EFCAB6: variants seen among roughly 807,000 people sequenced by gnomAD.
The protein encoded by EFCAB6 is EF-hand calcium binding domain 6, also known as EF-hand calcium-binding domain-containing protein 6.
Under a neutral mutation model 169.8 loss-of-function variants are expected in EFCAB6, and 156 were observed. That is an observed-to-expected ratio of 0.92 (90% confidence interval 0.81 to 1.05). The LOEUF (loss-of-function observed/expected upper bound fraction) is 1.05. EFCAB6 is among the 50% of genes least tolerant of loss of function. The pLI, the probability that EFCAB6 is intolerant of heterozygous loss-of-function variation, is 0.00. For missense variants in EFCAB6, 1,800 were observed against 1,829.1 expected (o/e 0.98, Z 0.29); for synonymous variants, 698 against 676.4 (o/e 1.03, Z -0.50).
intron 18 of EFCAB6, among the ~76,000 whole-genome samples, chr22:43,634,185 G>A (rs188253038): frequency 8.3e-4 from 127 of 152,288 alleles, no homozygotes; most frequent in African/African-American, 2.9e-3. Context: ...CACCTGGCAG[G>A]TGGGACACAC....
chr22:43,653,847 G>A (rs746366912), intron 17 of EFCAB6, among the ~76,000 whole-genome samples: 2 of 151,994 alleles, frequency 1.3e-5, no homozygotes, highest in South Asian at 2.1e-4. Context: ...AGGTTCTCAA[G>A]GTGAATATCC....
At chr22:43,548,737 T>C (rs2147135816) in intron 27 of EFCAB6, among the ~76,000 whole-genome samples, 1 of 152,160 alleles carries the variant, frequency 6.6e-6, no homozygotes, top group East Asian at 1.9e-4. Context: ...CTCTTAGTGA[T>C]GGATGGGCCA....
chr22:43,687,364 A>T, intron 11 of EFCAB6, 107 bp downstream of exon 11: 1 of 695,786 alleles, frequency 1.4e-6, no homozygotes, highest in Non-Finnish European at 2.3e-6. Context: ...AATGGAGACT[A>T]ATCGATCATT....
intron 5 of EFCAB6, among the ~76,000 whole-genome samples, chr22:43,761,767 A>G (rs1174027288): frequency 6.6e-6 from 1 of 151,282 alleles, no homozygotes; most frequent in Admixed American, 6.6e-5. Context: ...TATGACATCT[A>G]TTGGTTTGTA....
intron 26 of EFCAB6, among the ~76,000 whole-genome samples, chr22:43,560,777 C>T (rs549300635): frequency 7.9e-5 from 12 of 152,346 alleles, no homozygotes; most frequent in Admixed American, 3.3e-4. Context: ...AACAGAGTGG[C>T]GCCCGGATTC....
intron 21 of EFCAB6, among the ~76,000 whole-genome samples, chr22:43,610,454 C>A (rs2053223354): frequency 6.6e-6 from 1 of 152,098 alleles, no homozygotes; most frequent in South Asian, 2.1e-4. Flanking sequence ...AAACAAAATG[C>A]CAATCAAATC....
chr22:43,668,929 T>C lies in EFCAB6; in HGVS notation c.1757A>G (p.Gln586Arg). ...TVSPVLVPKD[Q>R]LLSEHLQKDE... ...TTTTTGTAAATGTTCACTTAACAGC[T>C]GATCCTTTGGAACAAGAACTGGAGA... The change falls in exon 16 of 32, where the codon CAG becomes CGG. Residue 586 changes from glutamine to arginine, a missense_variant. Transcript: ENST00000262726. The C allele has an allele frequency of 6.2e-7, 1 of 1,612,792 alleles. No homozygotes were observed. Among genetic ancestry groups the C allele is most frequent in the Admixed American group, 1.7e-5 (1 of 59,826 alleles).
chr22:43,730,844 G>A (rs1439962305), intron 8 of EFCAB6, among the ~76,000 whole-genome samples: 1 of 152,212 alleles, frequency 6.6e-6, no homozygotes, highest in Non-Finnish European at 1.5e-5. Context: ...CTCTAAGCAA[G>A]CTTGGTTAGT....
chr22:43,688,232 G>T (rs1436497803), intron 10 of EFCAB6, among the ~76,000 whole-genome samples: 2 of 152,146 alleles, frequency 1.3e-5, no homozygotes, highest in Non-Finnish European at 2.9e-5. Context: ...AAATGAATTT[G>T]CCCCCAGATT....
At chr22:43,731,464 T>C (rs141765797) in intron 8 of EFCAB6, among the ~76,000 whole-genome samples, 1 of 152,328 alleles carries the variant, frequency 6.6e-6, no homozygotes, top group Non-Finnish European at 1.5e-5. Flanking sequence ...TAACTCTTCA[T>C]GGATATCCTT....
intron 27 of EFCAB6, among the ~76,000 whole-genome samples, chr22:43,548,177 C>T (rs562400398): frequency 6.6e-6 from 1 of 152,162 alleles, no homozygotes; most frequent in South Asian, 2.1e-4. Context: ...TAAATTCATA[C>T]ATATCAGTAA....
At chr22:43,599,015 G>A (rs2052277130) in intron 23 of EFCAB6, among the ~76,000 whole-genome samples, 1 of 152,190 alleles carries the variant, frequency 6.6e-6, no homozygotes, top group African/African-American at 2.4e-5. Flanking sequence ...GGTACCTTCT[G>A]CACAGCATCT....
At chr22:43,774,497 G>A (rs910832358) in intron 3 of EFCAB6, among the ~76,000 whole-genome samples, 2 of 151,724 alleles carry the variant, frequency 1.3e-5, no homozygotes, top group African/African-American at 4.8e-5. Flanking sequence ...GACACCCACT[G>A]AGGGCCCAGC....
intron 20 of EFCAB6, among the ~76,000 whole-genome samples, chr22:43,617,678 A>C (rs1274142179): frequency 2.0e-5 from 3 of 152,198 alleles, no homozygotes; most frequent in African/African-American, 7.2e-5. Flanking sequence ...CTCGTTAGTC[A>C]CAGATACATA....
At chr22:43,585,147 T>C (rs994254476) in intron 24 of EFCAB6, among the ~76,000 whole-genome samples, 2 of 152,190 alleles carry the variant, frequency 1.3e-5, no homozygotes, top group Non-Finnish European at 2.9e-5. Flanking sequence ...ATGACACATA[T>C]TTTGAAATTA....
chr22:43,695,447 TC>T (rs1052687575), intron 10 of EFCAB6, among the ~76,000 whole-genome samples: 3 of 151,970 alleles, frequency 2.0e-5, no homozygotes, highest in Admixed American at 2.0e-4. Flanking sequence ...ATAATATAAA[TC>T]CTAGCAGGCT....
chr22:43,595,241 A>C (rs2147464413), intron 23 of EFCAB6, among the ~76,000 whole-genome samples: 1 of 152,240 alleles, frequency 6.6e-6, no homozygotes, highest in Middle Eastern at 3.4e-3. Context: ...GAAAAATCCA[A>C]ACCTAAATTA....
intron 8 of EFCAB6, 45 bp downstream of exon 8, chr22:43,731,654 C>A: frequency 1.6e-6 from 2 of 1,226,590 alleles, no homozygotes; most frequent in South Asian, 1.5e-5. Flanking sequence ...ATTACCATGC[C>A]AAAAGATATT....
At chr22:43,798,323 G>A (rs933683582) in intron 2 of EFCAB6, among the ~76,000 whole-genome samples, 2 of 151,844 alleles carry the variant, frequency 1.3e-5, no homozygotes, top group African/African-American at 4.8e-5. Context: ...CTGCACTCCA[G>A]CCTGGGCAAT....
Sources: allele counts gnomAD v4.1 joint callset (sites outside exome capture counted in the v4.1 genomes callset), GRCh38; gene constraint gnomAD v4.1.1; transcripts MANE v1.5; gene names NCBI Gene and HGNC (gene_info 2026-07-23, HGNC 2026-07-21).